NPAS3: variants seen among roughly 807,000 people sequenced by gnomAD.
NPAS3 encodes the protein neuronal PAS domain protein 3.
In NPAS3, 14 loss-of-function variants were observed where a neutral mutation model predicts 73.1. The observed-to-expected ratio is 0.19, with a 90% CI of 0.13 to 0.30. The LOEUF is 0.30. NPAS3 is among the 10% of genes least tolerant of loss of function. The pLI is 1.00. For synonymous variants in NPAS3, 620 were observed against 541.5 expected, an observed-to-expected ratio of 1.14 and a Z score of -2.01; for missense variants, 1,096 against 1,250.0, an observed-to-expected ratio of 0.88 and a Z score of 1.86.
intron 2 of NPAS3, among the ~76,000 whole-genome samples, chr14:33,121,743 GA>G (rs2043238524): frequency 1.3e-5 from 2 of 152,104 alleles, no homozygotes; most frequent in African/African-American, 4.8e-5. Context: ...AGTAGGGTAT[GA>G]AAAACAAAGT....
intron 1 of NPAS3, among the ~76,000 whole-genome samples, chr14:33,042,256 G>C (rs2040371589): frequency 1.3e-5 from 2 of 152,100 alleles, no homozygotes; most frequent in Admixed American, 1.3e-4. Context: ...ATTCCAACTA[G>C]ATGGTTTCCT....
chr14:33,063,655 A>G (rs925017965), intron 2 of NPAS3, among the ~76,000 whole-genome samples: 10 of 152,194 alleles, frequency 6.6e-5, no homozygotes, highest in African/African-American at 2.4e-4. Context: ...CATAGTTGAT[A>G]GTAGTGACAG....
chr14:33,425,745 T>C (rs189405435), intron 4 of NPAS3, among the ~76,000 whole-genome samples: 77 of 152,206 alleles, frequency 5.1e-4, no homozygotes, highest in African/African-American at 1.8e-3. Flanking sequence ...TGTATCGTCT[T>C]GTACACACTG....
intron 3 of NPAS3, among the ~76,000 whole-genome samples, chr14:33,294,196 T>C (rs767297875): frequency 6.6e-6 from 1 of 152,200 alleles, no homozygotes. Flanking sequence ...GAAGCCATGG[T>C]CTTCCCTTGG....
At chr14:33,461,073 T>C (rs2050243174) in intron 4 of NPAS3, among the ~76,000 whole-genome samples, 1 of 152,236 alleles carries the variant, frequency 6.6e-6, no homozygotes, top group Non-Finnish European at 1.5e-5. Context: ...GTGCGGACGA[T>C]ACTAATAATT....
intron 2 of NPAS3, among the ~76,000 whole-genome samples, chr14:33,067,005 C>T (rs1215498547): frequency 6.6e-6 from 1 of 152,146 alleles, no homozygotes; most frequent in Non-Finnish European, 1.5e-5. Context: ...TTGAAATAGA[C>T]AATATTATTC....
chr14:33,389,370 A>G (rs571022404), intron 4 of NPAS3, among the ~76,000 whole-genome samples: 2 of 152,346 alleles, frequency 1.3e-5, no homozygotes, highest in East Asian at 3.9e-4. Flanking sequence ...TGGGGAAAAC[A>G]TAAATTGCTG....
chr14:33,056,111 G>GGAA (rs1566511158), intron 2 of NPAS3, 117 bp downstream of exon 2: 1 of 442,722 alleles, frequency 2.3e-6, no homozygotes, highest in African/African-American at 2.1e-5. Flanking sequence ...TAGTGGGGGA[G>GGAA]AAAAAAAAAC....
At chr14:33,007,213 G>T (rs1210685742) in intron 1 of NPAS3, among the ~76,000 whole-genome samples, 4 of 152,174 alleles carry the variant, frequency 2.6e-5, no homozygotes, top group African/African-American at 9.7e-5. Flanking sequence ...ACTGGGAGGG[G>T]TCTTAGTAGC....
In NPAS3 at chr14:33,777,461, G is replaced by A. The variant is rs181218016; in HGVS notation, c.1047-1005G>A. 1.9e-3 allele frequency among the ~76,000 whole-genome samples: 295 copies of A among 151,332 alleles called. 1 individual carries two copies. Among genetic ancestry groups the A allele is most frequent in the African/African-American group, 6.9e-3 (285 of 41,230 alleles). On this transcript the variant is annotated intron_variant, in intron 8 of 11. Transcript: ENST00000356141. Reference sequence around the variant, plus strand: ...TTTTCTTTCTTATTTCCCTGCCTTGGGGGCCAGAAAACTCTCCAACAATGA... The same window carrying A: ...TTTTCTTTCTTATTTCCCTGCCTTGAGGGCCAGAAAACTCTCCAACAATGA...
intron 3 of NPAS3, among the ~76,000 whole-genome samples, chr14:33,286,600 T>C (rs1212676064): frequency 6.6e-6 from 1 of 152,178 alleles, no homozygotes; most frequent in Admixed American, 6.5e-5. Context: ...TTCTGCCATC[T>C]CCTCTCTAGT....
intron 6 of NPAS3, among the ~76,000 whole-genome samples, chr14:33,711,870 C>T (rs2060827686): frequency 6.6e-6 from 1 of 152,040 alleles, no homozygotes; most frequent in African/African-American, 2.4e-5. Context: ...GAGAGCAGAC[C>T]TCCCAGTTCT....
At chr14:33,299,360 G>C (rs910433935) in intron 3 of NPAS3, among the ~76,000 whole-genome samples, 19 of 152,146 alleles carry the variant, frequency 1.2e-4, no homozygotes, top group African/African-American at 4.6e-4. Context: ...TTTAGCAATG[G>C]ACATCTGAGT....
intron 3 of NPAS3, among the ~76,000 whole-genome samples, chr14:33,351,626 C>T (rs756901386): frequency 6.6e-5 from 10 of 152,186 alleles, no homozygotes; most frequent in African/African-American, 1.9e-4. Context: ...CATGCCATAC[C>T]GCTTCTTTTT....
intron 1 of NPAS3, among the ~76,000 whole-genome samples, chr14:32,946,781 C>G (rs1050485685): frequency 2.0e-5 from 3 of 151,816 alleles, no homozygotes; most frequent in African/African-American, 7.3e-5. Context: ...TTTTAAGTTG[C>G]AAAGGACTTA....
At chr14:33,295,564 A>G (rs2042263018) in intron 3 of NPAS3, among the ~76,000 whole-genome samples, 1 of 152,228 alleles carries the variant, frequency 6.6e-6, no homozygotes. Flanking sequence ...TGTCAGCATC[A>G]ACTTCACAGA....
intron 5 of NPAS3, among the ~76,000 whole-genome samples, chr14:33,667,736 C>T (rs938056160): frequency 6.6e-6 from 1 of 152,020 alleles, no homozygotes; most frequent in Non-Finnish European, 1.5e-5. Context: ...TACACCATGG[C>T]CATGGTGCAC....
chr14:33,645,996 G>A (rs2058818782), intron 5 of NPAS3, among the ~76,000 whole-genome samples: 1 of 152,222 alleles, frequency 6.6e-6, no homozygotes, highest in South Asian at 2.1e-4. Flanking sequence ...TGCAAGGGGA[G>A]CTAGGTCAAA....
intron 6 of NPAS3, among the ~76,000 whole-genome samples, chr14:33,705,347 C>T (rs2060627929): frequency 6.6e-6 from 1 of 152,140 alleles, no homozygotes; most frequent in Admixed American, 6.5e-5. Context: ...CCCCTAGAAG[C>T]ATGCACAATA....
Sources: allele counts gnomAD v4.1 joint callset (sites outside exome capture counted in the v4.1 genomes callset), GRCh38; gene constraint gnomAD v4.1.1; transcripts MANE v1.5; gene names NCBI Gene and HGNC (gene_info 2026-07-23, HGNC 2026-07-21).